Variants in GNAZ observed in about 807,000 individuals in gnomAD.
GNAZ encodes G protein subunit alpha z, also known as guanine nucleotide-binding protein G(z) subunit alpha.
In GNAZ, 3 loss-of-function variants were observed where a neutral mutation model predicts 25.4. The observed-to-expected ratio is 0.12, with a 90% CI of 0.05 to 0.30. The LOEUF is 0.30. Among genes scored for constraint, GNAZ ranks in the 10% least tolerant of loss-of-function variants. The probability of loss-of-function intolerance (pLI) is 1.00; values close to 1 mark genes in which losing one functional copy is unlikely to be tolerated. For missense variants in GNAZ, 241 were observed against 501.8 expected (o/e 0.48, Z 4.97); for synonymous variants, 211 against 205.7 (o/e 1.03, Z -0.22).
In GNAZ at chr22:23,072,304, T is replaced by C. The variant is rs190670548; in HGVS notation, c.-450+1734T>C. 3.0e-4 allele frequency among the ~76,000 whole-genome samples: 46 copies of C among 152,158 alleles called. 1 individual carries two copies. The highest frequency in any genetic ancestry group is 8.8e-5 in the Non-Finnish European group (6 of 67,968). Reference sequence around the variant, plus strand: ...GGGAGCATCCATCTACGGGGTGCAGTGGGGGTGTGGATGGCCTGGCGGTGC... The same window carrying C: ...GGGAGCATCCATCTACGGGGTGCAGCGGGGGTGTGGATGGCCTGGCGGTGC... On this transcript the variant is annotated intron_variant, in intron 1 of 2. Transcript: ENST00000615612.
intron 2 of GNAZ, among the ~76,000 whole-genome samples, chr22:23,109,722 G>A (rs1342359086): frequency 6.6e-6 from 1 of 152,240 alleles, no homozygotes; most frequent in East Asian, 1.9e-4. Flanking sequence ...GGGCAGCAGG[G>A]TTCAGTGTTA....
At chr22:23,122,825 T>G (rs1044918334) in intron 2 of GNAZ, 2 of 549,766 alleles carry the variant, frequency 3.6e-6, no homozygotes, top group African/African-American at 3.8e-5. Context: ...TTGAGATCAC[T>G]GGCACCCAGA....
intron 1 of GNAZ, among the ~76,000 whole-genome samples, chr22:23,079,988 C>T (rs994903768): frequency 1.3e-5 from 2 of 152,110 alleles, no homozygotes; most frequent in Non-Finnish European, 2.9e-5. Flanking sequence ...ATCAGATTCC[C>T]CACTCAAGTG....
rs528902154 is a variant in GNAZ at position 23,103,992 on chromosome 22, G to A, written c.723+7574G>A. On this transcript the variant is annotated intron_variant, in intron 2 of 2. Coordinates refer to ENST00000615612, the MANE Select transcript of GNAZ (RefSeq NM_002073.4). ...GAACAGGTGCCTCCTCTGTCCCAAA[G>A]ACCAACATTTGCAGGAGAGACGGGG... 3.3e-5 allele frequency among the ~76,000 whole-genome samples: 5 copies of A among 152,306 alleles called. No individual in the cohort carries two copies. In the South Asian group the frequency reaches 1.0e-3, roughly 32 times the overall value.
chr22:23,112,387 A>G lies in GNAZ; in HGVS notation c.724-10700A>G, dbSNP rs149878800. Among the ~76,000 whole-genome samples the G allele has an allele frequency of 7.3e-3, 1,106 of 152,298 alleles. 4 individuals are homozygous for G. Among genetic ancestry groups the G allele is most frequent in the Non-Finnish European group, 0.01 (714 of 68,014 alleles). Reference sequence around the variant, plus strand: ...TGCCTCCCAAGACCGTGGGAGGTCCAGGGACCTGGTCAGTGGCAATGCCTT... The same window carrying G: ...TGCCTCCCAAGACCGTGGGAGGTCCGGGGACCTGGTCAGTGGCAATGCCTT... On this transcript the variant is annotated intron_variant, in intron 2 of 2. Transcript: ENST00000615612.
At chr22:23,088,666 G>A (rs1012063810) in intron 1 of GNAZ, among the ~76,000 whole-genome samples, 9 of 152,184 alleles carry the variant, frequency 5.9e-5, no homozygotes, top group Non-Finnish European at 2.9e-5. Flanking sequence ...TCTGAAATGG[G>A]TTCCATGACT....
intron 2 of GNAZ, among the ~76,000 whole-genome samples, chr22:23,099,805 A>G (rs2069242026): frequency 6.6e-6 from 1 of 152,238 alleles, no homozygotes; most frequent in South Asian, 2.1e-4. Context: ...CTACCAGCCC[A>G]CACTGAGGGA....
At chr22:23,087,531 C>T (rs907365819) in intron 1 of GNAZ, among the ~76,000 whole-genome samples, 9 of 152,152 alleles carry the variant, frequency 5.9e-5, no homozygotes, top group Non-Finnish European at 1.2e-4. Context: ...TTCTTCAAGA[C>T]GAGAATTGCA....
intron 2 of GNAZ, among the ~76,000 whole-genome samples, chr22:23,096,927 T>C (rs1055352163): frequency 6.6e-6 from 1 of 152,248 alleles, no homozygotes; most frequent in African/African-American, 2.4e-5. Context: ...GAGGGAGACC[T>C]GGACCCAGTG....
chr22:23,122,850 G>T, intron 2 of GNAZ: 1 of 576,726 alleles, frequency 1.7e-6, no homozygotes. Context: ...AGACCCAAAA[G>T]GGGCAAGAGA....
At position 23,120,086 on chromosome 22, in the gene GNAZ, T is replaced by TA. The variant is rs751188300; in HGVS notation, c.724-2999dup. Among the ~76,000 whole-genome samples, 185 of 152,310 alleles carry TA rather than the reference T, an allele frequency of 1.2e-3. 1 individual carries two copies. Among genetic ancestry groups the TA allele is most frequent in the Middle Eastern group, 3.4e-3 (1 of 294 alleles). On this transcript the variant is annotated intron_variant, in intron 2 of 2. Coordinates refer to ENST00000615612, the MANE Select transcript of GNAZ (RefSeq NM_002073.4). ...GGCTGCCGCAGTGGCGGAATCCTGATAAGAGTGTACTGTGAGGCACCGTGC... is the reference window on the plus strand; with the variant it reads ...GGCTGCCGCAGTGGCGGAATCCTGATAAAGAGTGTACTGTGAGGCACCGTGC...
intron 2 of GNAZ, among the ~76,000 whole-genome samples, chr22:23,107,457 C>G (rs917874354): frequency 6.6e-6 from 1 of 152,164 alleles, no homozygotes; most frequent in East Asian, 1.9e-4. Context: ...TCATGAAAAC[C>G]CAGGGCCTGA....
chr22:23,082,173 T>C (rs986335614), intron 1 of GNAZ, among the ~76,000 whole-genome samples: 1 of 151,584 alleles, frequency 6.6e-6, no homozygotes, highest in Non-Finnish European at 1.5e-5. Context: ...TGTGTAATAA[T>C]GTCGGAATCT....
intron 1 of GNAZ, among the ~76,000 whole-genome samples, chr22:23,078,805 AG>A (rs973758417): frequency 4.6e-5 from 7 of 152,212 alleles, no homozygotes; most frequent in African/African-American, 7.2e-5. Flanking sequence ...GGGTAGCAAC[AG>A]AAGCCCAGCC....
Position 23,091,455 on chromosome 22 carries a change from T to C in GNAZ, c.-449-3792T>C, listed in dbSNP as rs185815675. 2.7e-5 allele frequency among the ~76,000 whole-genome samples: 4 copies of C among 146,922 alleles called. No homozygotes were observed. In the South Asian group the frequency reaches 8.7e-4, roughly 32 times the overall value. On this transcript the variant is annotated intron_variant, in intron 1 of 2. Transcript: ENST00000615612. Reference sequence around the variant, plus strand: ...GGATTTGCACACACACAGGGTCCTATGCATACACACACACACCGCAATGGA... The same window carrying C: ...GGATTTGCACACACACAGGGTCCTACGCATACACACACACACCGCAATGGA...
At chr22:23,090,016 C>T (rs892653883) in intron 1 of GNAZ, among the ~76,000 whole-genome samples, 3 of 152,098 alleles carry the variant, frequency 2.0e-5, no homozygotes, top group Admixed American at 6.5e-5. Flanking sequence ...AAGTCCTAAG[C>T]GACCTCCTGG....
intron 1 of GNAZ, among the ~76,000 whole-genome samples, chr22:23,084,771 G>A (rs1048971973): frequency 1.3e-5 from 2 of 152,220 alleles, no homozygotes; most frequent in African/African-American, 2.4e-5. Flanking sequence ...GGATGCCACA[G>A]ACAGTGTCGT....
At chr22:23,094,539 C>T (rs746502226) in intron 1 of GNAZ, among the ~76,000 whole-genome samples, 6 of 152,218 alleles carry the variant, frequency 3.9e-5, no homozygotes, top group Admixed American at 3.9e-4. Context: ...CGCAGCACCA[C>T]GTGCAGCCCC....
In GNAZ at chr22:23,096,005, G is replaced by A. The variant is rs143839657; in HGVS notation, c.310G>A (p.Ala104Thr). The change falls in exon 2 of 3, where the codon GCT becomes ACT. Residue 104 changes from alanine (A) to threonine (T), a missense_variant. Ala to Thr is a moderately conservative substitution (Grantham distance 58). Transcript: ENST00000615612. The part of the protein sequence containing the change: ...DFHNPDRAYD[A>T]VQLFALTGPA... Reference sequence around the variant, plus strand: ...CCACAACCCCGACCGCGCCTACGACGCTGTGCAGCTCTTTGCGCTGACGGG... The same window carrying A: ...CCACAACCCCGACCGCGCCTACGACACTGTGCAGCTCTTTGCGCTGACGGG... 1.2e-5 allele frequency: 19 copies of A among 1,607,998 alleles called. No homozygotes were observed. In the Middle Eastern group the frequency reaches 8.2e-4, roughly 70 times the overall value.
Sources: allele counts gnomAD v4.1 joint callset (sites outside exome capture counted in the v4.1 genomes callset), GRCh38; gene constraint gnomAD v4.1.1; transcripts MANE v1.5; gene names NCBI Gene and HGNC (gene_info 2026-07-23, HGNC 2026-07-21).